Variants in OPLAH observed in about 807,000 individuals in gnomAD.
OPLAH encodes the protein 5-oxoprolinase.
A neutral mutation model predicts 122.8 loss-of-function variants in OPLAH; 103 were observed. The ratio of observed to expected loss-of-function variants is 0.84; its 90% CI spans 0.71 to 0.99. OPLAH has a LOEUF of 0.99. Ranked by LOEUF, OPLAH falls within the 50% of genes least tolerant of loss-of-function variation. OPLAH has a pLI of 0.00. For missense variants in OPLAH, 1,902 were observed against 1,836.5 expected (o/e 1.04, Z -0.65); for synonymous variants, 875 against 796.0 (o/e 1.10, Z -1.67).
Position 144,057,430 on chromosome 8 carries a change from G to C in OPLAH, c.1422+18C>G. Reference sequence around the variant, plus strand: ...AGGGCTGGGGGCAGGACAGGCGGGAGAGCAGAGGTGGACGTACCTGCGTGA... The same window carrying C: ...AGGGCTGGGGGCAGGACAGGCGGGACAGCAGAGGTGGACGTACCTGCGTGA... On this transcript the variant is annotated intron_variant, in intron 10 of 26. Transcript: ENST00000618853. The C allele has an allele frequency of 6.3e-7, 1 of 1,583,448 alleles. No homozygotes were observed. Among genetic ancestry groups the C allele is most frequent in the Admixed American group, 1.8e-5 (1 of 54,966 alleles).
rs782495819 is a variant in OPLAH at position 144,058,638 on chromosome 8, G to A, written c.641C>T (p.Thr214Met). The change falls in exon 6 of 27, where the codon ACG becomes ATG. Residue 214 changes from threonine (T) to methionine (M), a missense_variant. Thr to Met is a moderately conservative substitution (Grantham distance 81). Coordinates refer to ENST00000618853, the MANE Select transcript of OPLAH (RefSeq NM_017570.5). ...GGCCTCCGAGGACAGTGACACGTGC[G>A]TGAAGCCCAGCTCCCGGGCCAGCAC... is the stretch of plus-strand genomic sequence containing the variant. ...VGVLARELGF[T>M]HVSLSSEAMP... The A allele has an allele frequency of 1.5e-5, 24 of 1,601,612 alleles. No homozygotes were observed. The highest frequency in any genetic ancestry group is 1.7e-4 in the Middle Eastern group (1 of 6,052).
chr8:144,062,852 G>A (rs563890869), upstream of OPLAH, among the ~76,000 whole-genome samples: 18 of 151,856 alleles, frequency 1.2e-4, no homozygotes, highest in African/African-American at 4.3e-4. Context: ...GCTCCCTAGC[G>A]GCATCCCACT....
At chr8:144,050,415 C>T (rs995213793), downstream of OPLAH, 51 of 985,468 alleles carry the variant, frequency 5.2e-5, no homozygotes, top group African/African-American at 7.0e-4. Flanking sequence ...TCGTGGCTTT[C>T]AGCGTGCTCC....
intron 17 of OPLAH, 47 bp downstream of exon 17, chr8:144,054,982 G>T: frequency 9.4e-7 from 1 of 1,064,548 alleles, no homozygotes; most frequent in Non-Finnish European, 1.3e-6. Flanking sequence ...GGGGGGGGGT[G>T]GAGGGTGAGG....
Position 144,055,593 on chromosome 8 carries a change from T to C in OPLAH, c.2248+195A>G, listed in dbSNP as rs1835492010. On this transcript the variant is annotated intron_variant, in intron 16 of 26. Transcript: ENST00000618853. The surrounding 1 kb of genome is among the most constrained non-coding windows in gnomAD (Gnocchi z 6.5). ...ACTCTCTGGATCACATGGCTGCAGGTAAGGGGGGAAGGTGTCCTCCCTGCC... is the reference window on the plus strand; with the variant it reads ...ACTCTCTGGATCACATGGCTGCAGGCAAGGGGGGAAGGTGTCCTCCCTGCC... Among the ~76,000 whole-genome samples, 1 of 152,034 alleles carries C rather than the reference T, an allele frequency of 6.6e-6. No homozygotes were observed. Among genetic ancestry groups the C allele is most frequent in the Non-Finnish European group, 1.5e-5 (1 of 67,956 alleles).
In OPLAH at chr8:144,057,882, T is replaced by G. The variant is rs1835563463; in HGVS notation, c.1130A>C (p.His377Pro). The change falls in exon 9 of 27, where the codon CAC becomes CCC. Residue 377 changes from histidine to proline, a missense_variant. Transcript: ENST00000618853. ...FVVGPESAGA[H>P]PGPACYRKGG... Reference sequence around the variant, plus strand: ...TTTGCGGTAGCAGGCGGGTCCTGGGTGGGCTCCTGCTGACTCGGGCCCAAC... The same window carrying G: ...TTTGCGGTAGCAGGCGGGTCCTGGGGGGGCTCCTGCTGACTCGGGCCCAAC... 1.2e-6 allele frequency: 2 copies of G among 1,611,416 alleles called. No homozygotes were observed. The highest frequency in any genetic ancestry group is 8.5e-7 in the Non-Finnish European group (1 of 1,179,432).
rs781852150 is a variant in OPLAH at position 144,057,474 on chromosome 8, A to C, written c.1396T>G (p.Cys466Gly). 1.9e-6 allele frequency: 3 copies of C among 1,592,136 alleles called. No homozygotes were observed. Among genetic ancestry groups the C allele is most frequent in the African/African-American group, 2.7e-5 (2 of 74,612 alleles). Reference sequence around the variant, plus strand: ...TGCGTGAGTGCACGGATGGGCCGGCACATGGCCTCGTTGGCCACGCGCACG... The same window carrying C: ...TGCGTGAGTGCACGGATGGGCCGGCCCATGGCCTCGTTGGCCACGCGCACG... Reference protein sequence around the residue: ...GFVRVANEAMCRPIRALTQAR... With the variant: ...GFVRVANEAMGRPIRALTQAR... The change falls in exon 10 of 27, where the codon TGC (cysteine) becomes GGC (glycine). Residue 466 changes from cysteine (C) to glycine (G), a missense_variant. Coordinates refer to ENST00000618853, the MANE Select transcript of OPLAH (RefSeq NM_017570.5).
Position 144,051,373 on chromosome 8 carries a change from C to G in OPLAH, c.3820G>C (p.Glu1274Gln), listed in dbSNP as rs371840526. Residue 1274 changes from glutamate to glutamine, a missense_variant, in exon 27 of 27, where the codon GAG becomes CAG. Transcript: ENST00000618853. ...CGATACTCATAGACGCTGCCGTGCT[C>G]GGGAAAGGCCAGTGCTTGCGGGGGC... ...GSPPQALAFP[E>Q]HGSVYEYRRA... is the part of the protein sequence containing the mutation. The G allele has an allele frequency of 6.2e-7, 1 of 1,607,068 alleles. No individual in the cohort carries two copies. Among genetic ancestry groups the G allele is most frequent in the Non-Finnish European group, 8.5e-7 (1 of 1,177,560 alleles).
Position 144,051,736 on chromosome 8 carries a change from T to A in OPLAH, c.3713A>T (p.Tyr1238Phe), listed in dbSNP as rs1835381070. 3.1e-6 allele frequency: 5 copies of A among 1,598,494 alleles called. No individual in the cohort carries two copies. Among genetic ancestry groups the A allele is most frequent in the African/African-American group, 1.3e-5 (1 of 74,076 alleles). ...ACAGGCCGCGGCCCTTACCCCGGGG[T>A]ACACGGTCACCGACGTCTTGCCGCC... is the stretch of plus-strand genomic sequence containing the variant. ...NLGGKTSVTV[Y>F]PGDVFCLHTP... The change falls in exon 26 of 27, where the codon TAC becomes TTC. Residue 1238 changes from tyrosine to phenylalanine, a missense_variant. Transcript: ENST00000618853.
Position 144,060,076 on chromosome 8 carries a change from C to T in OPLAH, c.-44G>A. 6.3e-7 allele frequency: 1 copy of T among 1,584,578 alleles called. No homozygotes were observed. The highest frequency in any genetic ancestry group is 1.1e-5 in the South Asian group (1 of 88,560). ...CCACAGGAGCTCTTCAGCTGGTAGCCCTGGAAAAACTGGACGGAGGCGGGG... is the reference window on the plus strand; with the variant it reads ...CCACAGGAGCTCTTCAGCTGGTAGCTCTGGAAAAACTGGACGGAGGCGGGG... On this transcript the variant is annotated 5_prime_UTR_variant, in exon 2 of 27. Coordinates refer to ENST00000618853, the MANE Select transcript of OPLAH (RefSeq NM_017570.5).
At chr8:144,058,954 T>G in intron 4 of OPLAH, 26 bp downstream of exon 4, 11 of 1,558,040 alleles carry the variant, frequency 7.1e-6, no homozygotes, top group Non-Finnish European at 9.5e-6. Flanking sequence ...CGGCCCCAAA[T>G]CCCACAGCAG....
Position 144,057,959 on chromosome 8 carries a change from C to T in OPLAH, c.1089-36G>A, listed in dbSNP as rs367836585. 1.4e-5 allele frequency: 22 copies of T among 1,611,760 alleles called. No individual in the cohort carries two copies. The African/African-American group carries it at 1.7e-4, about 13-fold the overall frequency. ...GAAGGGCTGGGGTTGGAGTTGGACA[C>T]GAGGAGGGAGACAGGGCTGGGGTCC... is the stretch of plus-strand genomic sequence containing the variant. On this transcript the variant is annotated intron_variant, in intron 8 of 26. Coordinates refer to ENST00000618853, the MANE Select transcript of OPLAH (RefSeq NM_017570.5).
Position 144,052,058 on chromosome 8 carries a change from G to A in OPLAH, c.3480C>T (p.Arg1160=). 6.3e-7 allele frequency: 1 copy of A among 1,586,640 alleles called. No homozygotes were observed. The highest frequency in any genetic ancestry group is 1.1e-5 in the South Asian group (1 of 89,870). The change falls in exon 25 of 27, where the codon CGC becomes CGT. Residue 1160 remains arginine (R), a synonymous_variant. Transcript: ENST00000618853. ...ILESRYPVIL[R]RFELRRGSGG... is the part of the protein sequence containing the mutation. ...CCGAGCCCCGCCGCAGCTCGAAGCG[G>A]CGCAGGATGACCGGGTACCTGCGAG... is the stretch of plus-strand genomic sequence containing the variant.
At position 144,057,891 on chromosome 8, in the gene OPLAH, G is replaced by A; in HGVS notation, c.1121C>T (p.Ala374Val). The A allele has an allele frequency of 6.2e-7, 1 of 1,612,106 alleles. No individual in the cohort carries two copies. The highest frequency in any genetic ancestry group is 8.5e-7 in the Non-Finnish European group (1 of 1,179,604). Residue 374 changes from alanine (A) to valine (V), a missense_variant, in exon 9 of 27, where the codon GCA becomes GTA. By Grantham distance (64) the Ala-to-Val change is moderately conservative. Transcript: ENST00000618853. ...SGLFVVGPES[A>V]GAHPGPACYR... is the part of the protein sequence containing the mutation. ...GCAGGCGGGTCCTGGGTGGGCTCCTGCTGACTCGGGCCCAACCACAAAGAG... is the reference window on the plus strand; with the variant it reads ...GCAGGCGGGTCCTGGGTGGGCTCCTACTGACTCGGGCCCAACCACAAAGAG...
rs782568024 is a variant in OPLAH, at chr8:144,051,482, C to CGGGGGGGGGGGGGGG, written c.3721-11_3721-10insCCCCCCCCCCCCCCC. On this transcript the variant is annotated splice_polypyrimidine_tract_variant and intron_variant, in intron 26 of 26. Transcript: ENST00000618853. ...GGAGACAGAACACATCCTGTTGGCGCGGGGGGGGGCGGGGAGGCGGGCTCA... is the reference window on the plus strand; with the variant it reads ...GGAGACAGAACACATCCTGTTGGCGCGGGGGGGGGGGGGGGGGGGGGGGGCGGGGAGGCGGGCTCA... The CGGGGGGGGGGGGGGG allele has an allele frequency of 7.1e-6, 2 of 280,354 alleles. No homozygotes were observed. The highest frequency in any genetic ancestry group is 9.5e-5 in the African/African-American group (1 of 10,562). The allele number at this position is 280,354 out of a possible 1,614,324, so 17.4% of individuals were successfully genotyped here.
intron 26 of OPLAH, 43 bp downstream of exon 26, chr8:144,051,681 CGGGAG>C (rs781877214): frequency 1.4e-3 from 1,493 of 1,037,932 alleles, no homozygotes; most frequent in East Asian, 1.7e-3. Context: ...GGGATGGGGC[CGGGAG>C]GGGAGGGGAG....
At chr8:144,054,439 T>C (rs1587555044) in intron 19 of OPLAH, 122 bp downstream of exon 19, 3 of 1,096,082 alleles carry the variant, frequency 2.7e-6, no homozygotes, top group East Asian at 2.7e-5. Context: ...ACCTATCTCC[T>C]CCCAGCCTCA....
chr8:144,061,634 C>A (rs546154175), upstream of OPLAH, among the ~76,000 whole-genome samples: 75 of 152,388 alleles, frequency 4.9e-4, no homozygotes, highest in African/African-American at 1.5e-3. Flanking sequence ...TTTACCAGGG[C>A]CACAGCAACG....
Position 144,056,964 on chromosome 8 carries a change from C to T in OPLAH, c.1690G>A (p.Ala564Thr), listed in dbSNP as rs1554759370. ...GGAGCCCACCTGGGGAAGCCCTGGG[C>T]CTGCAGAGCATCCACACACTGCTCC... ...LEEQCVDALQ[A>T]QGFPRSQIST... The change falls in exon 12 of 27, where the codon GCC (alanine) becomes ACC (threonine). Residue 564 changes from alanine (A) to threonine (T), a missense_variant. This residue lies in a region of OPLAH where 1,726 missense variants were observed against 1,642.1 expected (regional missense o/e 1.05). Coordinates refer to ENST00000618853, the MANE Select transcript of OPLAH (RefSeq NM_017570.5). The T allele has an allele frequency of 1.3e-6, 2 of 1,580,976 alleles. No homozygotes were observed. Among genetic ancestry groups the T allele is most frequent in the Admixed American group, 3.6e-5 (2 of 55,388 alleles).
Sources: allele counts gnomAD v4.1 joint callset (sites outside exome capture counted in the v4.1 genomes callset), GRCh38; gene constraint gnomAD v4.1.1; regional missense constraint gnomAD v4.1.1; non-coding constraint Gnocchi (gnomAD v3.1); transcripts MANE v1.5; gene names NCBI Gene and HGNC (gene_info 2026-07-23, HGNC 2026-07-21).